The following MIB1 variants were observed in gnomAD, a reference collection of about 807,000 sequenced individuals.
The protein encoded by MIB1 is E3 ubiquitin-protein ligase MIB1.
MIB1 carries 278 observed loss-of-function variants against 124.5 expected under a neutral mutation model. The observed-to-expected ratio is 2.23, with a 90% CI of 2.02 to 2.47. MIB1 has a LOEUF of 2.47. MIB1 is among the 30% of genes most tolerant of loss of function. The probability of loss-of-function intolerance (pLI) is 0.00; values close to 1 mark genes in which losing one functional copy is unlikely to be tolerated. For synonymous variants in MIB1, 446 were observed against 429.4 expected (o/e 1.04, Z -0.48); for missense variants, 957 against 1,254.4 (o/e 0.76, Z 3.58).
chr18:21,721,162 T>TGTTG (rs1209439099), intron 1 of MIB1, among the ~76,000 whole-genome samples: 2 of 79,212 alleles, frequency 2.5e-5, no homozygotes, highest in African/African-American at 8.6e-5. Flanking sequence ...TAAAGAAGTT[T>TGTTG]TTTTTTTTTT....
intron 2 of MIB1, 22 bp downstream of exon 2, chr18:21,765,965 T>C: frequency 6.2e-7 from 1 of 1,611,332 alleles, no homozygotes; most frequent in Non-Finnish European, 8.5e-7. Flanking sequence ...CCTTTTCTTC[T>C]TCAACCGAGG....
At chr18:21,743,037 C>T (rs1160929849) in intron 1 of MIB1, among the ~76,000 whole-genome samples, 1 of 152,218 alleles carries the variant, frequency 6.6e-6, no homozygotes, top group Non-Finnish European at 1.5e-5. Context: ...CTGTCTCAGC[C>T]TCCCAAAATG....
chr18:21,772,460 T>C (rs2041233752), intron 3 of MIB1, among the ~76,000 whole-genome samples: 1 of 152,188 alleles, frequency 6.6e-6, no homozygotes, highest in Non-Finnish European at 1.5e-5. Flanking sequence ...TACTCCAAAA[T>C]ATGAAACTTC....
intron 1 of MIB1, among the ~76,000 whole-genome samples, chr18:21,729,945 C>T (rs966307294): frequency 6.6e-6 from 1 of 152,338 alleles, no homozygotes; most frequent in Non-Finnish European, 1.5e-5. Context: ...ATGTGCCTTG[C>T]TCTTGGACTT....
intron 17 of MIB1, among the ~76,000 whole-genome samples, chr18:21,851,163 G>C (rs1598642329): frequency 6.6e-6 from 1 of 152,112 alleles, no homozygotes; most frequent in African/African-American, 2.4e-5. Flanking sequence ...AAAAGCTGCA[G>C]CTCAAAGAAA....
intron 12 of MIB1, among the ~76,000 whole-genome samples, chr18:21,836,087 A>G (rs2042028413): frequency 6.6e-6 from 1 of 151,684 alleles, no homozygotes; most frequent in South Asian, 2.1e-4. Flanking sequence ...CCCCGCCTCT[A>G]CAAAAAATAC....
chr18:21,864,533 GC>G lies in MIB1; in HGVS notation c.2891del (p.Pro964LeufsTer4). ...QLQDIKEQTM[C>X]PVCLDRLKNM... is the part of the protein sequence containing the mutation. The stretch of plus-strand genomic sequence containing the variant: ...TGTTATCTCACATTACAGACAATGT[GC>G]CCTGTGTGTCTAGATCGTCTGAAGA... On this transcript the variant is annotated frameshift_variant, in exon 21 of 21. Transcript: ENST00000261537. LOFTEE classifies it high-confidence loss of function. The G allele has an allele frequency of 6.2e-7, 1 of 1,611,780 alleles. No individual in the cohort carries two copies. Among genetic ancestry groups the G allele is most frequent in the Non-Finnish European group, 8.5e-7 (1 of 1,178,198 alleles).
At chr18:21,802,542 G>A (rs973567537) in intron 9 of MIB1, among the ~76,000 whole-genome samples, 6 of 151,996 alleles carry the variant, frequency 3.9e-5, no homozygotes, top group African/African-American at 9.7e-5. Flanking sequence ...ATTTAAAGAG[G>A]ATACAATGTC....
intron 12 of MIB1, among the ~76,000 whole-genome samples, chr18:21,835,846 C>CACAA (rs2042025994): frequency 7.1e-6 from 1 of 141,394 alleles, no homozygotes; most frequent in African/African-American, 2.6e-5. Context: ...CACAAACACA[C>CACAA]ACGAGGAGTA....
intron 15 of MIB1, among the ~76,000 whole-genome samples, chr18:21,845,400 T>C (rs1336132591): frequency 2.0e-5 from 3 of 152,168 alleles, no homozygotes; most frequent in Non-Finnish European, 4.4e-5. Context: ...ATCATTTGTG[T>C]TTTTTGTGTG....
At chr18:21,858,405 T>A (rs2042246192) in intron 19 of MIB1, 141 bp from the exon 20 acceptor site, 1 of 522,632 alleles carries the variant, frequency 1.9e-6, no homozygotes, top group African/African-American at 1.9e-5. Context: ...CTGTATGTTG[T>A]CCAAGTGTGA....
intron 1 of MIB1, among the ~76,000 whole-genome samples, chr18:21,742,939 A>T (rs755500894): frequency 6.6e-6 from 1 of 152,132 alleles, no homozygotes; most frequent in Non-Finnish European, 1.5e-5. Context: ...TTTTAAAAAC[A>T]TTTATTAAAA....
chr18:21,783,367 C>G (rs1297772830), intron 6 of MIB1, among the ~76,000 whole-genome samples: 1 of 151,834 alleles, frequency 6.6e-6, no homozygotes, highest in Admixed American at 6.6e-5. Context: ...CTCAGCCTTC[C>G]GAGTAGCTGG....
intron 14 of MIB1, 44 bp downstream of exon 14, chr18:21,843,261 C>CAT: frequency 7.2e-7 from 1 of 1,379,570 alleles, no homozygotes; most frequent in East Asian, 2.5e-5. Context: ...ACATTTTAAC[C>CAT]ATACAGATTT....
chr18:21,778,275 C>T, intron 5 of MIB1, 106 bp downstream of exon 5: 1 of 748,588 alleles, frequency 1.3e-6, no homozygotes, highest in South Asian at 2.1e-5. Context: ...ACTAAAGTTA[C>T]TTAGAGAAAA....
At chr18:21,776,618 G>A (rs2041290739) in intron 4 of MIB1, among the ~76,000 whole-genome samples, 1 of 152,162 alleles carries the variant, frequency 6.6e-6, no homozygotes, top group South Asian at 2.1e-4. Context: ...CAGATACTTA[G>A]TAATTTGTTT....
At chr18:21,774,949 ATTTATTTATTTT>A (rs1208697314) in intron 4 of MIB1, among the ~76,000 whole-genome samples, 1 of 149,078 alleles carries the variant, frequency 6.7e-6, no homozygotes, top group African/African-American at 2.5e-5. Context: ...TTATTTATTT[ATTTATTTATTTT>A]TTGAGACACA....
At chr18:21,740,529 T>C (rs2040832599), upstream of MIB1, among the ~76,000 whole-genome samples, 1 of 152,234 alleles carries the variant, frequency 6.6e-6, no homozygotes. Flanking sequence ...TCACATTTAG[T>C]TCGCCTAGGA....
chr18:21,799,768 G>C (rs2041628968), intron 8 of MIB1, 73 bp from the exon 9 acceptor site: 1 of 1,359,572 alleles, frequency 7.4e-7, no homozygotes, highest in South Asian at 1.5e-5. Context: ...TAGAAATATT[G>C]GGTAATACTT....
Sources: allele counts gnomAD v4.1 joint callset (sites outside exome capture counted in the v4.1 genomes callset), GRCh38; gene constraint gnomAD v4.1.1; transcripts MANE v1.5; gene names NCBI Gene and HGNC (gene_info 2026-07-23, HGNC 2026-07-21).